The following WASF2 variants were observed in gnomAD, a reference collection of about 807,000 sequenced individuals.
WASF2 encodes the protein actin-binding protein WASF2.
In WASF2, 14 loss-of-function variants were observed where a neutral mutation model predicts 45.0. The ratio of observed to expected loss-of-function variants is 0.31; its 90% confidence interval spans 0.21 to 0.49. The LOEUF (loss-of-function observed/expected upper bound fraction) is 0.49, where lower values mean the gene tolerates loss of function less well. Among genes scored for constraint, WASF2 ranks in the 20% least tolerant of loss-of-function variants. The pLI, the probability that WASF2 is intolerant of heterozygous loss-of-function variation, is 0.99. For synonymous variants in WASF2, 200 were observed against 236.3 expected, an observed-to-expected ratio of 0.85 and a Z score of 1.41; for missense variants, 439 against 636.1, an observed-to-expected ratio of 0.69 and a Z score of 3.33.
intron 1 of WASF2, among the ~76,000 whole-genome samples, chr1:27,451,635 G>A (rs1370512251): frequency 6.6e-6 from 1 of 152,160 alleles, no homozygotes; most frequent in East Asian, 1.9e-4. Context: ...ACTACATGAG[G>A]GAGTGAAAGA....
At chr1:27,456,048 T>G (rs1380503839) in intron 1 of WASF2, among the ~76,000 whole-genome samples, 1 of 151,840 alleles carries the variant, frequency 6.6e-6, no homozygotes, top group Admixed American at 6.6e-5. Flanking sequence ...TTAGGATGGG[T>G]GCAGTGGCTC....
In WASF2 at chr1:27,488,475, A is replaced by C. The variant is rs554784714; in HGVS notation, c.-44+1511T>G. Among the ~76,000 whole-genome samples, 4 of 152,328 alleles carry C rather than the reference A, an allele frequency of 2.6e-5. No individual in the cohort carries two copies. In the South Asian group the frequency reaches 6.2e-4, roughly 24 times the overall value. On this transcript the variant is annotated intron_variant, in intron 1 of 8. Coordinates refer to ENST00000618852, the MANE Select transcript of WASF2 (RefSeq NM_006990.5). ...ATGTGGCCCTCTGATGGAGGAGAAG[A>C]AGCGAATGGGCTGGCACCACTCTGA...
At chr1:27,461,203 C>T (rs543107354) in intron 1 of WASF2, among the ~76,000 whole-genome samples, 2 of 152,222 alleles carry the variant, frequency 1.3e-5, no homozygotes, top group Admixed American at 1.3e-4. Flanking sequence ...GAAATAATTG[C>T]AAACTTGGAG....
At chr1:27,458,566 A>AG (rs796796888) in intron 1 of WASF2, among the ~76,000 whole-genome samples, 8 of 152,038 alleles carry the variant, frequency 5.3e-5, no homozygotes, top group Non-Finnish European at 1.2e-4. Flanking sequence ...AGATCAAAGC[A>AG]GGTGGATCAC....
chr1:27,435,445 G>C (rs1490578930), intron 1 of WASF2, among the ~76,000 whole-genome samples: 2 of 152,192 alleles, frequency 1.3e-5, no homozygotes, highest in East Asian at 3.9e-4. Context: ...AATTAGCTGG[G>C]TGTGTGGTGC....
intron 1 of WASF2, among the ~76,000 whole-genome samples, chr1:27,471,323 C>T (rs1196148534): frequency 1.6e-5 from 2 of 125,504 alleles, no homozygotes; most frequent in African/African-American, 3.2e-5. Context: ...CCAGCCTGGG[C>T]GACAGAGCGA....
At chr1:27,466,318 C>G (rs1264930668) in intron 1 of WASF2, among the ~76,000 whole-genome samples, 1 of 152,130 alleles carries the variant, frequency 6.6e-6, no homozygotes, top group African/African-American at 2.4e-5. Flanking sequence ...AATCATGGAT[C>G]TAGGTAATCA....
chr1:27,463,482 G>A (rs544866896), intron 1 of WASF2, among the ~76,000 whole-genome samples: 83 of 151,802 alleles, frequency 5.5e-4, no homozygotes, highest in Admixed American at 1.6e-3. Flanking sequence ...AAAATCAGCC[G>A]AGTGGTGGCG....
Position 27,405,599 on chromosome 1 carries a change from C to CTTTTTTTTGTTTTTTTT in WASF2, c.*2589_*2590insAAAAAAAACAAAAAAAA, listed in dbSNP as rs2016659393. The CTTTTTTTTGTTTTTTTT allele has an allele frequency of 1.8e-5, 1 of 56,638 alleles. No homozygotes were observed. The highest frequency in any genetic ancestry group is 5.8e-4 in the East Asian group (1 of 1,722). 3.5% of individuals were successfully genotyped at this position (56,638 alleles called of 1,614,324 possible). A position where few individuals can be genotyped will look rare whatever the true frequency, so the allele number is the denominator to read the frequency against. Reference sequence around the variant, plus strand: ...TAAAGGGCTCTGGGTCTAAAGAAGCCTTTTTTTTTTTTTTTTTTTTTTTTT... The same window carrying CTTTTTTTTGTTTTTTTT: ...TAAAGGGCTCTGGGTCTAAAGAAGCCTTTTTTTTGTTTTTTTTTTTTTTTTTTTTTTTTTTTTTTTTT... On this transcript the variant is annotated 3_prime_UTR_variant, in exon 9 of 9. Coordinates refer to ENST00000618852, the MANE Select transcript of WASF2 (RefSeq NM_006990.5).
chr1:27,483,640 AAAC>A (rs1053759638), intron 1 of WASF2, among the ~76,000 whole-genome samples: 20 of 152,104 alleles, frequency 1.3e-4, no homozygotes, highest in South Asian at 6.2e-4. Context: ...ACTCCATCTC[AAAC>A]AACAACAACA....
chr1:27,430,282 C>T (rs571026309), intron 1 of WASF2, among the ~76,000 whole-genome samples: 13 of 152,298 alleles, frequency 8.5e-5, no homozygotes, highest in Middle Eastern at 3.4e-3. Flanking sequence ...GGTTTTCATG[C>T]TAGGGAAAAT....
At chr1:27,475,703 T>C (rs904521299) in intron 1 of WASF2, among the ~76,000 whole-genome samples, 9 of 152,128 alleles carry the variant, frequency 5.9e-5, no homozygotes, top group Non-Finnish European at 1.0e-4. Flanking sequence ...TCTTGGCTCA[T>C]TGCAACCTCT....
intron 1 of WASF2, among the ~76,000 whole-genome samples, chr1:27,439,841 A>G (rs1050945970): frequency 3.9e-5 from 6 of 152,016 alleles, no homozygotes; most frequent in Admixed American, 3.9e-4. Context: ...TCTACAAAAA[A>G]AATTAAAAGT....
At chr1:27,450,300 A>C (rs142927377) in intron 1 of WASF2, among the ~76,000 whole-genome samples, 44 of 152,330 alleles carry the variant, frequency 2.9e-4, no homozygotes, top group African/African-American at 9.1e-4. Flanking sequence ...CAAAAAGGCT[A>C]AGAAATGTCA....
Position 27,425,385 on chromosome 1 carries a change from G to A in WASF2, c.130+3376C>T, listed in dbSNP as rs150742607. Among the ~76,000 whole-genome samples, 856 of 151,910 alleles carry A rather than the reference G, an allele frequency of 5.6e-3. 14 individuals are homozygous for A. The highest frequency in any genetic ancestry group is 0.016 in the East Asian group (80 of 5,100). ...TTACAGGTGTGAGCCACTATGCCAA[G>A]CCCCCTTTTTCCATTTTAAAAGACT... On this transcript the variant is annotated intron_variant, in intron 2 of 8. Coordinates refer to ENST00000618852, the MANE Select transcript of WASF2 (RefSeq NM_006990.5).
chr1:27,408,272 T>C lies in WASF2; in HGVS notation c.1414A>G (p.Ile472Val). 1 of 1,614,230 alleles carries C rather than the reference T, an allele frequency of 6.2e-7. No individual in the cohort carries two copies. The highest frequency in any genetic ancestry group is 1.1e-5 in the South Asian group (1 of 91,082). The change falls in exon 9 of 9, where the codon ATC becomes GTC. Residue 472 changes from isoleucine (I) to valine (V), a missense_variant. Around this residue, in one of 5 missense-constraint regions of WASF2, gnomAD observed 286 missense variants for 373.5 expected, o/e 0.77. Transcript: ENST00000618852. The stretch of plus-strand genomic sequence containing the variant: ...TCAACAGCAATGCGACGAGACAAGA[T>C]GGTGGCCACGTCATTGCCCACAACA... The part of the protein sequence containing the change: ...RDVVGNDVAT[I>V]LSRRIAVEYS...
intron 1 of WASF2, among the ~76,000 whole-genome samples, chr1:27,474,687 G>A (rs780512488): frequency 3.3e-5 from 5 of 151,350 alleles, no homozygotes; most frequent in East Asian, 1.9e-4. Context: ...GGAGAATCGC[G>A]CCTAAACCCA....
chr1:27,435,354 A>T (rs1557604435), intron 1 of WASF2, among the ~76,000 whole-genome samples: 1 of 152,116 alleles, frequency 6.6e-6, no homozygotes, highest in South Asian at 2.1e-4. Flanking sequence ...GGGAGCTGAG[A>T]CCGGAAGATT....
chr1:27,486,981 T>C (rs1408975618), intron 1 of WASF2, among the ~76,000 whole-genome samples: 1 of 147,924 alleles, frequency 6.8e-6, no homozygotes, highest in Non-Finnish European at 1.5e-5. Context: ...TTATATATAA[T>C]CTATATATTT....
Sources: gnomAD v4.1 joint callset for allele counts (sites outside exome capture counted in the v4.1 genomes callset) on GRCh38, gnomAD v4.1.1 for gene constraint, gnomAD v4.1.1 regional missense constraint, MANE v1.5 for transcripts, NCBI Gene and HGNC (gene_info 2026-07-23, HGNC 2026-07-21) for gene names.